ELAVL2: variants seen among roughly 807,000 people sequenced by gnomAD.
ELAVL2 encodes ELAV-like protein 2.
ELAVL2 carries 4 observed loss-of-function variants against 34.6 expected under a neutral mutation model. The ratio of observed to expected loss-of-function variants is 0.12; its 90% confidence interval spans 0.06 to 0.26. ELAVL2 has a LOEUF of 0.26. Among genes scored for constraint, ELAVL2 ranks in the 10% least tolerant of loss-of-function variants. ELAVL2 has a pLI of 1.00. For missense variants in ELAVL2, 432 were observed against 442.8 expected (o/e 0.98, Z 0.22); for synonymous variants, 193 against 154.8 (o/e 1.25, Z -1.83).
chr9:23,781,751 G>A (rs2059095409), intron 1 of ELAVL2, among the ~76,000 whole-genome samples: 1 of 151,866 alleles, frequency 6.6e-6, no homozygotes, highest in South Asian at 2.1e-4. Context: ...GGAGTGCAGT[G>A]GCGGGATTCT....
intron 1 of ELAVL2, among the ~76,000 whole-genome samples, chr9:23,813,276 T>A (rs1383109986): frequency 6.6e-6 from 1 of 152,082 alleles, no homozygotes; most frequent in African/African-American, 2.4e-5. Flanking sequence ...ACGGCACACA[T>A]AGGAGAGGGC....
chr9:23,721,197 C>T (rs2043615054), intron 3 of ELAVL2, among the ~76,000 whole-genome samples: 1 of 152,152 alleles, frequency 6.6e-6, no homozygotes, highest in Admixed American at 6.5e-5. Context: ...TAAAATAAAG[C>T]CCATGAAACT....
At chr9:23,744,054 CA>C (rs1458265126) in intron 2 of ELAVL2, among the ~76,000 whole-genome samples, 3 of 152,166 alleles carry the variant, frequency 2.0e-5, no homozygotes, top group African/African-American at 7.2e-5. Context: ...CTTATTACCA[CA>C]AAGGGGTCCC....
chr9:23,792,133 T>A (rs567967572), intron 1 of ELAVL2, among the ~76,000 whole-genome samples: 1 of 152,342 alleles, frequency 6.6e-6, no homozygotes, highest in Admixed American at 6.5e-5. Flanking sequence ...ACATGAAACA[T>A]TCAACACTTT....
At chr9:23,751,864 A>G (rs1280480622) in intron 2 of ELAVL2, among the ~76,000 whole-genome samples, 1 of 152,152 alleles carries the variant, frequency 6.6e-6, no homozygotes, top group Non-Finnish European at 1.5e-5. Context: ...CCGGTGCTCT[A>G]GTTCATAAAG....
chr9:23,763,666 A>G (rs2055573217), intron 1 of ELAVL2, among the ~76,000 whole-genome samples: 1 of 152,178 alleles, frequency 6.6e-6, no homozygotes, highest in South Asian at 2.1e-4. Context: ...TTAGCAGATA[A>G]ACATATAGGA....
Position 23,690,449 on chromosome 9 carries a change from T to C in ELAVL2, c.*2108A>G, listed in dbSNP as rs2032801489. The C allele has an allele frequency of 6.6e-6, 1 of 152,508 alleles. No individual in the cohort carries two copies. The highest frequency in any genetic ancestry group is 1.5e-5 in the Non-Finnish European group (1 of 67,996). The allele number at this position is 152,508 out of a possible 1,614,324, so 9.4% of individuals were successfully genotyped here. A position where few individuals can be genotyped will look rare whatever the true frequency, so the allele number is the denominator to read the frequency against. On this transcript the variant is annotated 3_prime_UTR_variant, in exon 7 of 7. Coordinates refer to ENST00000397312, the MANE Select transcript of ELAVL2 (RefSeq NM_004432.5). ...TACATGTATTTTATTTTTTAGTGTTTTTCTTTTTTTAAACGCAGAAGGTTA... is the reference window on the plus strand; with the variant it reads ...TACATGTATTTTATTTTTTAGTGTTCTTCTTTTTTTAAACGCAGAAGGTTA...
chr9:23,779,272 T>A (rs1265116039), intron 1 of ELAVL2: 1 of 985,260 alleles, frequency 1.0e-6, no homozygotes, highest in Non-Finnish European at 1.2e-6. Context: ...TTTACCCCAG[T>A]AGAATCCCAT....
In ELAVL2 at chr9:23,731,057, G is replaced by C. The variant is rs1009088732; in HGVS notation, c.298C>G (p.Leu100Val). Residue 100 changes from leucine to valine, a missense_variant, in exon 3 of 7, where the codon CTG becomes GTG. By Grantham distance (32) the Leu-to-Val change is conservative. Transcript: ENST00000397312. ...TTGGTTTGAAGTCTCAATCCATTCAGGGTGTTGATAGCTTTCTCTGCATCC... is the reference window on the plus strand; with the variant it reads ...TTGGTTTGAAGTCTCAATCCATTCACGGTGTTGATAGCTTTCTCTGCATCC... ...PKDAEKAINT[L>V]NGLRLQTKTI... is the part of the protein sequence containing the mutation. The C allele has an allele frequency of 1.2e-6, 2 of 1,613,064 alleles. No individual in the cohort carries two copies. Among genetic ancestry groups the C allele is most frequent in the African/African-American group, 2.7e-5 (2 of 74,868 alleles).
At chr9:23,736,151 A>G (rs944896351) in intron 2 of ELAVL2, among the ~76,000 whole-genome samples, 9 of 152,104 alleles carry the variant, frequency 5.9e-5, no homozygotes, top group Non-Finnish European at 1.3e-4. Context: ...AAATCAAATT[A>G]CCCCCTCAGG....
At position 23,692,513 on chromosome 9, in the gene ELAVL2, G is replaced by A. The variant is rs767588675; in HGVS notation, c.*44C>T. The A allele has an allele frequency of 1.3e-6, 2 of 1,557,552 alleles. No homozygotes were observed. The highest frequency in any genetic ancestry group is 2.3e-5 in the East Asian group (1 of 44,200). The stretch of plus-strand genomic sequence containing the variant: ...ATAAAGTTTCTCTTAACTTGCCTTT[G>A]TTGTATAGTTTTCATATATAAATGG... On this transcript the variant is annotated 3_prime_UTR_variant, in exon 7 of 7. Transcript: ENST00000397312.
the ELAVL2 span, among the ~76,000 whole-genome samples, chr9:23,847,606 T>A: frequency 6.6e-6 from 1 of 152,146 alleles, no homozygotes; most frequent in East Asian, 1.9e-4. Flanking sequence ...AGAACACTTA[T>A]AATTTTGGTA....
the ELAVL2 span, among the ~76,000 whole-genome samples, chr9:23,842,640 C>G: frequency 6.6e-6 from 1 of 152,012 alleles, no homozygotes; most frequent in Non-Finnish European, 1.5e-5. Flanking sequence ...TACTAAATAG[C>G]TAACTCCATT....
chr9:23,781,615 A>C (rs1175384795), intron 1 of ELAVL2, among the ~76,000 whole-genome samples: 2 of 151,460 alleles, frequency 1.3e-5, no homozygotes, highest in Non-Finnish European at 2.9e-5. Context: ...CCTGGGCTCA[A>C]GGGATCCTCC....
the ELAVL2 span, chr9:23,832,459 TA>T: frequency 6.6e-6 from 1 of 152,214 alleles, no homozygotes; most frequent in African/African-American, 2.4e-5. Flanking sequence ...ATGCATTATT[TA>T]AATAGATTTT....
At chr9:23,794,397 C>G (rs907329687) in intron 1 of ELAVL2, among the ~76,000 whole-genome samples, 2 of 152,188 alleles carry the variant, frequency 1.3e-5, no homozygotes, top group Non-Finnish European at 2.9e-5. Context: ...GACTGTTAAA[C>G]ACACGTACAG....
chr9:23,836,986 C>T, the ELAVL2 span, among the ~76,000 whole-genome samples: 2 of 152,028 alleles, frequency 1.3e-5, no homozygotes, highest in African/African-American at 4.8e-5. Context: ...AAGCTTTCGT[C>T]GAAAATTCAA....
At position 23,720,255 on chromosome 9, in the gene ELAVL2, C is replaced by G. The variant is rs139561454; in HGVS notation, c.333+10767G>C. Among the ~76,000 whole-genome samples the G allele has an allele frequency of 2.6e-5, 4 of 151,806 alleles. No homozygotes were observed. The East Asian group carries it at 7.8e-4, about 30-fold the overall frequency. On this transcript the variant is annotated intron_variant, in intron 3 of 6. Coordinates refer to ENST00000397312, the MANE Select transcript of ELAVL2 (RefSeq NM_004432.5). ...TGGTGTAATCTCGGCTCACAGCAACCTCCGCCTCCCAAGTTCAAGTAATTC... is the reference window on the plus strand; with the variant it reads ...TGGTGTAATCTCGGCTCACAGCAACGTCCGCCTCCCAAGTTCAAGTAATTC...
At position 23,793,180 on chromosome 9, in the gene ELAVL2, T is replaced by C. The variant is rs183473573; in HGVS notation, c.-15-30931A>G. Among the ~76,000 whole-genome samples the C allele has an allele frequency of 1.3e-3, 204 of 152,298 alleles. 1 individual carries two copies. Among genetic ancestry groups the C allele is most frequent in the Admixed American group, 0.012 (189 of 15,302 alleles). The stretch of plus-strand genomic sequence containing the variant: ...TGGAAGAAAGAAGTTCTGAAGAACA[T>C]TACACAATCACAAGGGGCTTGTTAT... On this transcript the variant is annotated intron_variant, in intron 1 of 6. Coordinates refer to ENST00000397312, the MANE Select transcript of ELAVL2 (RefSeq NM_004432.5).
Sources: gnomAD v4.1 joint callset for allele counts (sites outside exome capture counted in the v4.1 genomes callset) on GRCh38, gnomAD v4.1.1 for gene constraint, MANE v1.5 for transcripts, NCBI Gene and HGNC (gene_info 2026-07-23, HGNC 2026-07-21) for gene names.